FAAH2: variants seen among roughly 807,000 people sequenced by gnomAD.
The protein encoded by FAAH2 is fatty-acid amide hydrolase 2.
In FAAH2, 60 loss-of-function variants were observed where a neutral mutation model predicts 36.9. That is an observed-to-expected ratio of 1.63 (90% confidence interval 1.32 to 2.02). FAAH2 has a LOEUF of 2.02. Ranked by LOEUF, FAAH2 falls within the 30% of genes most tolerant of loss-of-function variation. The pLI is 0.00. For synonymous variants in FAAH2, 214 were observed against 143.8 expected, an observed-to-expected ratio of 1.49 and a Z score of -3.49; for missense variants, 689 against 397.5, an observed-to-expected ratio of 1.73 and a Z score of -6.23.
the FAAH2 span, among the ~76,000 whole-genome samples, chrX:57,212,782 G>A: frequency 8.9e-6 from 1 of 111,999 alleles, no homozygotes; most frequent in Admixed American, 9.5e-5. Flanking sequence ...GTGTCCTGTG[G>A]TTTTATTTTT....
intron 5 of FAAH2, among the ~76,000 whole-genome samples, chrX:57,357,336 G>A (rs769379155): frequency 9.0e-6 from 1 of 111,487 alleles, no homozygotes; most frequent in South Asian, 3.8e-4. Context: ...TGACAAATGG[G>A]ATCTAAATAA....
rs113262349 is a variant in FAAH2 at position 57,295,209 on chromosome X, A to G, written c.275+2629A>G. On this transcript the variant is annotated intron_variant, in intron 2 of 10. Coordinates refer to ENST00000374900, the MANE Select transcript of FAAH2 (RefSeq NM_174912.4). ...CAGCTGCCAGCTGACTGGTGCCAGT[A>G]TTTCTGAGGGTGTGTGATGAGACTA... Among the ~76,000 whole-genome samples, 206 of 111,993 alleles carry G rather than the reference A, an allele frequency of 1.8e-3. 1 individual carries two copies. Among genetic ancestry groups the G allele is most frequent in the African/African-American group, 6.3e-3 (193 of 30,853 alleles).
chrX:57,468,820 A>T (rs1458110929), intron 10 of FAAH2, among the ~76,000 whole-genome samples: 1 of 111,831 alleles, frequency 8.9e-6, no homozygotes, highest in African/African-American at 3.3e-5. Context: ...GTTGAAATGA[A>T]GGAAAAAATA....
intron 3 of FAAH2, among the ~76,000 whole-genome samples, chrX:57,327,061 C>A (rs1245836576): frequency 1.8e-5 from 2 of 108,914 alleles, no homozygotes; most frequent in Non-Finnish European, 3.8e-5. Flanking sequence ...TCAGCATTTG[C>A]TTGTCTGTAA....
chrX:57,267,568 G>A, the FAAH2 span, among the ~76,000 whole-genome samples: 10 of 112,175 alleles, frequency 8.9e-5, no homozygotes, highest in Non-Finnish European at 1.5e-4. Context: ...CACCACTATG[G>A]TGAATGCCCA....
chrX:57,222,290 G>A, the FAAH2 span, among the ~76,000 whole-genome samples: 6 of 111,757 alleles, frequency 5.4e-5, no homozygotes, highest in Non-Finnish European at 1.1e-4. Context: ...ACTCTGCACA[G>A]CCTATTACCC....
chrX:57,293,364 C>T (rs1046421537), intron 2 of FAAH2, among the ~76,000 whole-genome samples: 1 of 111,961 alleles, frequency 8.9e-6, no homozygotes, highest in African/African-American at 3.2e-5. Context: ...AAATTATAGA[C>T]ATTTAAAATA....
At chrX:57,135,470 T>C in the FAAH2 span, 1 of 241,324 alleles carries the variant, frequency 4.1e-6, no homozygotes, top group Admixed American at 6.6e-5. Context: ...AATCTCTTGT[T>C]CCTTCCCCTG....
At chrX:57,402,557 T>G (rs950322117) in intron 7 of FAAH2, among the ~76,000 whole-genome samples, 1 of 112,057 alleles carries the variant, frequency 8.9e-6, no homozygotes, top group African/African-American at 3.2e-5. Flanking sequence ...TTCTAATGTC[T>G]GCAGCTGTCT....
chrX:57,176,273 GT>G, the FAAH2 span, among the ~76,000 whole-genome samples: 1,745 of 101,776 alleles, frequency 0.017, 35 homozygotes, highest in African/African-American at 0.051. Flanking sequence ...TCATGTAATT[GT>G]TTTTTTTTTT....
At chrX:57,463,531 C>A (rs1180743196) in intron 10 of FAAH2, among the ~76,000 whole-genome samples, 1 of 111,165 alleles carries the variant, frequency 9.0e-6, no homozygotes, top group East Asian at 2.8e-4. Flanking sequence ...TGATCATCGA[C>A]AAACCTGACA....
chrX:57,349,414 CACATATAT>C (rs2053934572), intron 5 of FAAH2, among the ~76,000 whole-genome samples: 1 of 90,416 alleles, frequency 1.1e-5, no homozygotes, highest in South Asian at 4.9e-4. Flanking sequence ...TGTGTATATA[CACATATAT>C]ACATATATAT....
At position 57,485,222 on chromosome X, in the gene FAAH2, G is replaced by A. The variant is rs759342412; in HGVS notation, c.1424-3535G>A. 5.4e-5 allele frequency among the ~76,000 whole-genome samples: 6 copies of A among 111,922 alleles called. No homozygotes were observed. In the East Asian group the frequency reaches 1.4e-3, roughly 26 times the overall value. ...TTGTTGTGGGAGGCATGCACAGGTA[G>A]GTGCCAGGCCTCCCTACTCTCTCCC... is the stretch of plus-strand genomic sequence containing the variant. On this transcript the variant is annotated intron_variant, in intron 10 of 10. Transcript: ENST00000374900.
intron 10 of FAAH2, among the ~76,000 whole-genome samples, chrX:57,466,544 A>T (rs1243365761): frequency 1.8e-5 from 2 of 110,302 alleles, no homozygotes; most frequent in Admixed American, 2.0e-4. Flanking sequence ...AATTTCAGTA[A>T]TAACATTAAA....
intron 7 of FAAH2, among the ~76,000 whole-genome samples, chrX:57,400,964 T>C (rs1351694949): frequency 9.1e-6 from 1 of 109,700 alleles, no homozygotes. Context: ...CTACCAAAAA[T>C]ACAAAAAAAT....
chrX:57,206,340 G>A, the FAAH2 span, among the ~76,000 whole-genome samples: 2 of 112,203 alleles, frequency 1.8e-5, no homozygotes, highest in African/African-American at 6.5e-5. Context: ...CACAATGATA[G>A]TGTCATTTAC....
At chrX:57,216,537 T>C in the FAAH2 span, among the ~76,000 whole-genome samples, 1 of 45,377 alleles carries the variant, frequency 2.2e-5, no homozygotes, top group South Asian at 9.3e-4. Context: ...TATATATATA[T>C]ATATACGTAT....
intron 8 of FAAH2, among the ~76,000 whole-genome samples, chrX:57,443,775 C>G (rs971380877): frequency 8.9e-6 from 1 of 111,837 alleles, no homozygotes; most frequent in African/African-American, 3.3e-5. Flanking sequence ...ATGATGGTGA[C>G]GTACAGATGG....
At chrX:57,471,252 G>A (rs1253688770) in intron 10 of FAAH2, among the ~76,000 whole-genome samples, 1 of 111,664 alleles carries the variant, frequency 9.0e-6, no homozygotes, top group Non-Finnish European at 1.9e-5. Flanking sequence ...CCAGGGCAAT[G>A]AGGCAAGAGA....
Sources: gnomAD v4.1 joint callset for allele counts (sites outside exome capture counted in the v4.1 genomes callset) on GRCh38, gnomAD v4.1.1 for gene constraint, MANE v1.5 for transcripts, NCBI Gene and HGNC (gene_info 2026-07-23, HGNC 2026-07-21) for gene names.